Variants in ATG7 observed in about 807,000 individuals in gnomAD.
ATG7 encodes autophagy related 7.
In ATG7, 70 loss-of-function variants were observed where a neutral mutation model predicts 82.4. The ratio of observed to expected loss-of-function variants is 0.85; its 90% confidence interval spans 0.70 to 1.04. The LOEUF (loss-of-function observed/expected upper bound fraction) is 1.04, where lower values mean the gene tolerates loss of function less well. ATG7 is among the 50% of genes least tolerant of loss of function. ATG7 has a pLI of 0.00. For synonymous variants in ATG7, 287 were observed against 313.0 expected (o/e 0.92, Z 0.88); for missense variants, 792 against 864.3 (o/e 0.92, Z 1.05).
chr3:11,316,288 T>C (rs1434070874), intron 9 of ATG7, among the ~76,000 whole-genome samples: 2 of 152,228 alleles, frequency 1.3e-5, no homozygotes, highest in Non-Finnish European at 2.9e-5. Flanking sequence ...CTGCCTTATC[T>C]TCCATTATTT....
At chr3:11,489,217 G>A (rs2090099550) in intron 20 of ATG7, among the ~76,000 whole-genome samples, 1 of 152,222 alleles carries the variant, frequency 6.6e-6, no homozygotes, top group Non-Finnish European at 1.5e-5. Flanking sequence ...CTTCAAAGCT[G>A]TCAGACAGGG....
intron 18 of ATG7, among the ~76,000 whole-genome samples, chr3:11,376,304 G>T (rs1410838319): frequency 1.3e-5 from 2 of 152,194 alleles, no homozygotes; most frequent in Non-Finnish European, 2.9e-5. Context: ...GAGCTGTACA[G>T]TTTAAAAGAT....
At chr3:11,441,980 T>C (rs1440478977) in intron 20 of ATG7, among the ~76,000 whole-genome samples, 1 of 152,168 alleles carries the variant, frequency 6.6e-6, no homozygotes, top group African/African-American at 2.4e-5. Context: ...TTTTGTATTT[T>C]TTTATAAAGA....
intron 20 of ATG7, among the ~76,000 whole-genome samples, chr3:11,540,920 G>GGC (rs2070767253): frequency 7.7e-6 from 1 of 129,202 alleles, no homozygotes; most frequent in Non-Finnish European, 1.7e-5. Flanking sequence ...GGGGGGGAGG[G>GGC]GGGGAGTCTT....
At chr3:11,574,397 C>T in the ATG7 span, among the ~76,000 whole-genome samples, 1 of 152,110 alleles carries the variant, frequency 6.6e-6, no homozygotes, top group Non-Finnish European at 1.5e-5. Context: ...GCACGAGCAC[C>T]GCACAATGAC....
the ATG7 span, among the ~76,000 whole-genome samples, chr3:11,574,390 C>G: frequency 4.6e-5 from 7 of 152,118 alleles, no homozygotes. Flanking sequence ...AGGCACTGCA[C>G]GAGCACCGCA....
intron 20 of ATG7, among the ~76,000 whole-genome samples, chr3:11,494,291 G>T (rs954960573): frequency 6.6e-6 from 1 of 152,312 alleles, no homozygotes. Context: ...CAGGAAGCAG[G>T]TGGTCACTTA....
At chr3:11,387,275 A>G (rs550500115) in intron 19 of ATG7, among the ~76,000 whole-genome samples, 4 of 152,244 alleles carry the variant, frequency 2.6e-5, no homozygotes, top group Admixed American at 1.3e-4. Context: ...TCTCTTGACA[A>G]TGACAGCCAA....
intron 14 of ATG7, among the ~76,000 whole-genome samples, chr3:11,352,154 A>G (rs2075603501): frequency 6.6e-6 from 1 of 152,144 alleles, no homozygotes; most frequent in African/African-American, 2.4e-5. Context: ...TTCCAGCTTC[A>G]TCCATGTCCC....
At chr3:11,334,037 C>T (rs943475874) in intron 11 of ATG7, among the ~76,000 whole-genome samples, 1 of 152,126 alleles carries the variant, frequency 6.6e-6, no homozygotes, top group Non-Finnish European at 1.5e-5. Flanking sequence ...GCATGAGCCA[C>T]CGCTCCCGGC....
At chr3:11,354,256 G>A (rs139984119) in intron 14 of ATG7, among the ~76,000 whole-genome samples, 6 of 152,150 alleles carry the variant, frequency 3.9e-5, no homozygotes, top group East Asian at 1.9e-4. Context: ...GAAAAGAAGC[G>A]CTCTGCTACA....
downstream of ATG7, chr3:11,559,595 G>A (rs555853423): frequency 3.1e-6 from 4 of 1,298,348 alleles, no homozygotes; most frequent in Admixed American, 3.3e-5. Flanking sequence ...CAATACTGGA[G>A]TCCTGTTGCT....
Position 11,364,665 on chromosome 3 carries a change from T to C in ATG7, c.1806T>C (p.Tyr602=). The change falls in exon 18 of 21, where the codon TAT becomes TAC. Residue 602 remains tyrosine (Y), a synonymous_variant. Coordinates refer to ENST00000693202, the MANE Select transcript of ATG7 (RefSeq NM_001349232.2). The part of the protein sequence containing the change: ...VSVLQHPEGG[Y]AIASSSDDRM... ...GATTGTTTCCTGTCCTCAGGGGCTA[T>C]GCCATTGCCAGCAGCAGTGACGATC... is the stretch of plus-strand genomic sequence containing the variant. 1 of 1,614,172 alleles carries C rather than the reference T, an allele frequency of 6.2e-7. No individual in the cohort carries two copies. The highest frequency in any genetic ancestry group is 1.1e-5 in the South Asian group (1 of 91,086).
At chr3:11,565,018 T>G in the ATG7 span, 1 of 1,479,434 alleles carries the variant, frequency 6.8e-7, no homozygotes, top group Non-Finnish European at 9.0e-7. This position sits in a 1 kb window ranked among gnomAD's most constrained non-coding sequence, Gnocchi z 4.1. Flanking sequence ...GCAGTCTTGT[T>G]CCTGAAAAAG....
At chr3:11,516,566 C>T (rs1023207367) in intron 20 of ATG7, among the ~76,000 whole-genome samples, 1 of 152,188 alleles carries the variant, frequency 6.6e-6, no homozygotes, top group Non-Finnish European at 1.5e-5. Context: ...AATTGCACTC[C>T]TTGAGATTTA....
At chr3:11,560,064 C>T (rs764160741), downstream of ATG7, among the ~76,000 whole-genome samples, 3 of 152,126 alleles carry the variant, frequency 2.0e-5, no homozygotes, top group Non-Finnish European at 2.9e-5. Flanking sequence ...TCACCCCCAC[C>T]CCCACGCTGT....
At chr3:11,422,323 A>G (rs1280187009) in intron 19 of ATG7, among the ~76,000 whole-genome samples, 1 of 152,220 alleles carries the variant, frequency 6.6e-6, no homozygotes, top group African/African-American at 2.4e-5. Flanking sequence ...TAGATCTCAT[A>G]ATAACATGTT....
At chr3:11,448,887 C>T (rs2084836660) in intron 20 of ATG7, among the ~76,000 whole-genome samples, 2 of 152,112 alleles carry the variant, frequency 1.3e-5, no homozygotes, top group African/African-American at 2.4e-5. Flanking sequence ...GTCTCTCTCC[C>T]CTGCCTGACA....
At chr3:11,568,244 CTTA>C in the ATG7 span, among the ~76,000 whole-genome samples, 1 of 152,208 alleles carries the variant, frequency 6.6e-6, no homozygotes, top group Non-Finnish European at 1.5e-5. The surrounding 1 kb of genome is among the most constrained non-coding windows in gnomAD (Gnocchi z 5.9). Flanking sequence ...CCCCTCGCAC[CTTA>C]TGTCCTAGGG....
Sources: gnomAD v4.1 joint callset for allele counts (sites outside exome capture counted in the v4.1 genomes callset) on GRCh38, gnomAD v4.1.1 for gene constraint, Gnocchi (gnomAD v3.1) non-coding constraint, MANE v1.5 for transcripts, NCBI Gene and HGNC (gene_info 2026-07-23, HGNC 2026-07-21) for gene names.